NRXN3: variants seen among roughly 807,000 people sequenced by gnomAD.
The protein encoded by NRXN3 is neurexin 3, also known as neurexin III.
In NRXN3, 32 loss-of-function variants were observed where a neutral mutation model predicts 137.6. That is an observed-to-expected ratio of 0.23 (90% CI 0.18 to 0.31). The LOEUF (loss-of-function observed/expected upper bound fraction) is 0.31. Among genes scored for constraint, NRXN3 ranks in the 10% least tolerant of loss-of-function variants. The probability of loss-of-function intolerance (pLI) is 1.00; values close to 1 mark genes in which losing one functional copy is unlikely to be tolerated. For missense variants in NRXN3, 1,574 were observed against 2,062.5 expected, an observed-to-expected ratio of 0.76 and a Z score of 4.59; for synonymous variants, 798 against 784.5, an observed-to-expected ratio of 1.02 and a Z score of -0.29.
chr14:78,598,357 C>G (rs988939723), intron 4 of NRXN3, among the ~76,000 whole-genome samples: 16 of 151,586 alleles, frequency 1.1e-4, no homozygotes, highest in Non-Finnish European at 1.9e-4. Context: ...AACTCCTGAC[C>G]TGAGATTCTG....
chr14:78,445,427 A>G lies in NRXN3; in HGVS notation c.757+147567A>G, dbSNP rs552994740. 5.3e-5 allele frequency among the ~76,000 whole-genome samples: 8 copies of G among 152,348 alleles called. No individual in the cohort carries two copies. The South Asian group carries it at 8.3e-4, about 16-fold the overall frequency. On this transcript the variant is annotated intron_variant, in intron 4 of 20. Transcript: ENST00000335750. ...TGTTAGTGCAGCCAGAGGGCCTGAA[A>G]AGTGACGGGGAGGCAGAGAGCCTTA...
intron 15 of NRXN3, among the ~76,000 whole-genome samples, chr14:79,261,692 A>T (rs963853061): frequency 2.1e-5 from 3 of 144,450 alleles, no homozygotes; most frequent in Admixed American, 7.1e-5. Flanking sequence ...ATACAGGGGG[A>T]TGTGAAAGAA....
intron 4 of NRXN3, among the ~76,000 whole-genome samples, chr14:78,578,227 T>A (rs2096956528): frequency 6.6e-6 from 1 of 152,216 alleles, no homozygotes; most frequent in African/African-American, 2.4e-5. Flanking sequence ...ATGGATTTTA[T>A]GTAATTATAT....
chr14:78,437,786 G>A (rs2094121768), intron 4 of NRXN3, among the ~76,000 whole-genome samples: 1 of 152,098 alleles, frequency 6.6e-6, no homozygotes, highest in African/African-American at 2.4e-5. Context: ...CAGAGACCTG[G>A]GAATCTGCAT....
In NRXN3 at chr14:79,861,974, C is replaced by A; in HGVS notation, c.*10C>A. 6.3e-7 allele frequency: 1 copy of A among 1,594,792 alleles called. No homozygotes were observed. ...GGAGTATTACGTGTAAACATGCGAA[C>A]ACTGCTCACACGCGAGTTTTCACAG... On this transcript the variant is annotated 3_prime_UTR_variant, in exon 21 of 21. Transcript: ENST00000335750. This position sits in a 1 kb window ranked among gnomAD's most constrained non-coding sequence, Gnocchi z 5.4.
chr14:78,224,750 C>CTTTTTTTTT lies in NRXN3; in HGVS notation c.-703-17622_-703-17614dup, dbSNP rs35800837. On this transcript the variant is annotated intron_variant, in intron 1 of 20. Coordinates refer to ENST00000335750, the MANE Select transcript of NRXN3 (RefSeq NM_001330195.2). ...ACAATAAACATACGTGTGCATGTGT[C>CTTTTTTTTT]TTTTTTTTTTTTTTTTTTTTTTTTT... Among the ~76,000 whole-genome samples the CTTTTTTTTT allele has an allele frequency of 1.7e-3, 107 of 64,844 alleles. 23 individuals carry two copies. The highest frequency in any genetic ancestry group is 5.2e-3 in the East Asian group (8 of 1,542). The allele number at this position is 64,844 out of a possible 152,430, so 42.5% of individuals were successfully genotyped here.
chr14:79,691,395 AAATATAC>A (rs2098715970), intron 17 of NRXN3, among the ~76,000 whole-genome samples: 1 of 152,024 alleles, frequency 6.6e-6, no homozygotes, highest in Admixed American at 6.6e-5. Context: ...GAGGGAGGCT[AAATATAC>A]AAAATCAGTG....
intron 15 of NRXN3, among the ~76,000 whole-genome samples, chr14:79,213,463 G>A (rs2068003764): frequency 6.6e-6 from 1 of 152,046 alleles, no homozygotes; most frequent in South Asian, 2.1e-4. Context: ...CTTTTCATGT[G>A]GCATTTTTAA....
In NRXN3 at chr14:78,723,122, A is replaced by C. The variant is rs528559441; in HGVS notation, c.2044+7983A>C. Among the ~76,000 whole-genome samples the C allele has an allele frequency of 2.0e-5, 3 of 152,318 alleles. No homozygotes were observed. The East Asian group carries it at 5.8e-4, about 29-fold the overall frequency. ...CATGAAACACTTTGCTCTCCCAACA[A>C]GTTTAGGCATTATCTTATAGGAAGC... On this transcript the variant is annotated intron_variant, in intron 8 of 20. Coordinates refer to ENST00000335750, the MANE Select transcript of NRXN3 (RefSeq NM_001330195.2).
intron 3 of NRXN3, among the ~76,000 whole-genome samples, chr14:78,287,274 C>T (rs1247530368): frequency 6.6e-6 from 1 of 152,162 alleles, no homozygotes. Flanking sequence ...CCTTTGAGTT[C>T]CCCATGGCTT....
intron 8 of NRXN3, among the ~76,000 whole-genome samples, chr14:78,771,924 T>G (rs2098729469): frequency 1.3e-5 from 2 of 152,220 alleles, no homozygotes; most frequent in Admixed American, 6.5e-5. Flanking sequence ...TGGATTTTTT[T>G]GGGTCTGGGG....
At chr14:79,222,856 A>G (rs993967809) in intron 15 of NRXN3, among the ~76,000 whole-genome samples, 1 of 151,912 alleles carries the variant, frequency 6.6e-6, no homozygotes, top group African/African-American at 2.4e-5. Context: ...ATCTTTGGCC[A>G]TTTTTCATCT....
chr14:78,926,695 TAA>T (rs1176120479), intron 10 of NRXN3, among the ~76,000 whole-genome samples: 1 of 92,514 alleles, frequency 1.1e-5, no homozygotes, highest in Non-Finnish European at 2.0e-5. Flanking sequence ...GTAATATATA[TAA>T]AATATATATT....
intron 10 of NRXN3, among the ~76,000 whole-genome samples, chr14:78,857,455 C>T (rs914115073): frequency 2.6e-5 from 4 of 152,074 alleles, no homozygotes; most frequent in South Asian, 4.1e-4. Flanking sequence ...AAATTTGATG[C>T]GTCCAAACTC....
At chr14:79,492,660 G>A (rs1485501484) in intron 16 of NRXN3, among the ~76,000 whole-genome samples, 2 of 152,068 alleles carry the variant, frequency 1.3e-5, no homozygotes, top group African/African-American at 4.8e-5. Context: ...GGGATTACAG[G>A]GGTTAGCCAC....
chr14:78,986,659 T>C (rs2099506224), intron 14 of NRXN3, among the ~76,000 whole-genome samples: 1 of 152,148 alleles, frequency 6.6e-6, no homozygotes, highest in Non-Finnish European at 1.5e-5. Context: ...ACACAATTTC[T>C]AATATTTTCT....
intron 4 of NRXN3, among the ~76,000 whole-genome samples, chr14:78,440,256 C>T (rs2094200508): frequency 6.6e-6 from 1 of 152,162 alleles, no homozygotes; most frequent in African/African-American, 2.4e-5. Flanking sequence ...AGACATTGGG[C>T]TCCAGGACCC....
At chr14:79,628,534 A>G (rs1448645089) in intron 16 of NRXN3, among the ~76,000 whole-genome samples, 1 of 152,170 alleles carries the variant, frequency 6.6e-6, no homozygotes, top group Non-Finnish European at 1.5e-5. Context: ...TTTGCCAGCC[A>G]GGCATAGTTT....
intron 15 of NRXN3, among the ~76,000 whole-genome samples, chr14:79,232,070 A>G (rs1024479888): frequency 2.0e-5 from 3 of 152,174 alleles, no homozygotes; most frequent in Admixed American, 2.0e-4. Flanking sequence ...AATATTTTAT[A>G]TTCTGTGAGG....
Sources: gnomAD v4.1 joint callset for allele counts (sites outside exome capture counted in the v4.1 genomes callset) on GRCh38, gnomAD v4.1.1 for gene constraint, Gnocchi (gnomAD v3.1) non-coding constraint, MANE v1.5 for transcripts, NCBI Gene and HGNC (gene_info 2026-07-23, HGNC 2026-07-21) for gene names.